Variants in TENM2 observed in about 807,000 individuals in gnomAD.
TENM2 encodes teneurin-2.
TENM2 carries 52 observed loss-of-function variants against 245.2 expected under a neutral mutation model. The observed-to-expected ratio is 0.21, with a 90% CI of 0.17 to 0.27. TENM2 has a LOEUF of 0.27. TENM2 is among the 10% of genes least tolerant of loss of function. The pLI is 1.00. For missense variants in TENM2, 3,046 were observed against 3,666.8 expected, an observed-to-expected ratio of 0.83 and a Z score of 4.37; for synonymous variants, 1,363 against 1,438.9, an observed-to-expected ratio of 0.95 and a Z score of 1.19.
At chr5:167,876,218 G>A (rs1390772354) in intron 3 of TENM2, 23 bp downstream of exon 5, 1 of 1,524,332 alleles carries the variant, frequency 6.6e-7, no homozygotes. Context: ...CGTGGTGTCT[G>A]AATGTGTGGT....
chr5:167,098,671 C>G, the TENM2 span, among the ~76,000 whole-genome samples: 1 of 152,094 alleles, frequency 6.6e-6, no homozygotes, highest in South Asian at 2.1e-4. Context: ...AAAAAGGAAG[C>G]CCCTTAAGGA....
the TENM2 span, among the ~76,000 whole-genome samples, chr5:167,020,886 G>A: frequency 2.0e-5 from 3 of 152,282 alleles, no homozygotes; most frequent in African/African-American, 7.2e-5. Flanking sequence ...GATCACTCCT[G>A]TAATACCTGG....
At chr5:167,533,294 G>A (rs1284158182) in intron 2 of TENM2, among the ~76,000 whole-genome samples, 2 of 152,158 alleles carry the variant, frequency 1.3e-5, no homozygotes, top group Admixed American at 1.3e-4. Context: ...TGGTAAGAAT[G>A]AAGTTTCTGA....
intron 4 of TENM2, 58 bp from the exon 7 acceptor site, chr5:167,992,886 C>T (rs79382897): frequency 5.5e-5 from 75 of 1,363,810 alleles, no homozygotes; most frequent in Admixed American, 1.9e-4. Context: ...AGAAAAATAG[C>T]TAAATGTTGC....
chr5:167,309,615 C>T (rs1476645469), intron 1 of TENM2, among the ~76,000 whole-genome samples: 1 of 152,126 alleles, frequency 6.6e-6, no homozygotes, highest in Admixed American at 6.6e-5. Flanking sequence ...GGCTTTAGAA[C>T]CTCAAAACCA....
intron 26 of TENM2, among the ~76,000 whole-genome samples, chr5:168,246,452 G>C (rs1373772511): frequency 6.6e-6 from 1 of 152,008 alleles, no homozygotes; most frequent in Non-Finnish European, 1.5e-5. Flanking sequence ...GCATTTGCAG[G>C]GAGTTTGTTA....
chr5:166,986,639 T>G, the TENM2 span, among the ~76,000 whole-genome samples: 1 of 152,204 alleles, frequency 6.6e-6, no homozygotes, highest in African/African-American at 2.4e-5. Flanking sequence ...AACAAACTAC[T>G]GTTGAACTTG....
chr5:167,812,387 A>G (rs1454855264), intron 2 of TENM2, among the ~76,000 whole-genome samples: 2 of 152,188 alleles, frequency 1.3e-5, no homozygotes, highest in Non-Finnish European at 2.9e-5. Context: ...TGGCTTGAAG[A>G]CAATCCACTC....
intron 2 of TENM2, among the ~76,000 whole-genome samples, chr5:167,663,405 AAG>A (rs1755370641): frequency 6.6e-6 from 1 of 152,198 alleles, no homozygotes; most frequent in African/African-American, 2.4e-5. Flanking sequence ...AGAGATTGAA[AAG>A]AGTGTCTTTA....
At chr5:167,565,118 A>G (rs4869057) in intron 2 of TENM2, among the ~76,000 whole-genome samples, 149,945 of 152,364 alleles carry the variant, frequency 0.98, 73,794 homozygotes, top group Middle Eastern at 1. Context: ...TTTAAGAAGT[A>G]CCCAAATTCT....
At chr5:167,256,830 G>A in the TENM2 span, among the ~76,000 whole-genome samples, 137 of 152,238 alleles carry the variant, frequency 9.0e-4, 1 homozygote, top group Admixed American at 8.8e-3. Context: ...TGTTTTGGAG[G>A]ACTTTGGGAA....
chr5:167,899,927 T>C (rs1775549003), intron 3 of TENM2, among the ~76,000 whole-genome samples: 3 of 152,058 alleles, frequency 2.0e-5, no homozygotes, highest in African/African-American at 7.3e-5. Flanking sequence ...AAAGGTCTTG[T>C]TTAAATCCAC....
At chr5:167,217,743 G>A in the TENM2 span, among the ~76,000 whole-genome samples, 1 of 146,640 alleles carries the variant, frequency 6.8e-6, no homozygotes, top group Non-Finnish European at 1.5e-5. Flanking sequence ...TATAATATAT[G>A]TGATATGTGA....
intron 2 of TENM2, among the ~76,000 whole-genome samples, chr5:167,859,585 C>T (rs1246029057): frequency 1.8e-5 from 2 of 112,808 alleles, no homozygotes; most frequent in East Asian, 6.2e-4. Context: ...CCTGGCCAGC[C>T]GCCCCGTCCG....
At chr5:167,265,005 C>T in the TENM2 span, among the ~76,000 whole-genome samples, 10 of 151,916 alleles carry the variant, frequency 6.6e-5, no homozygotes, top group Non-Finnish European at 1.3e-4. Flanking sequence ...GAGAGACCTT[C>T]CTGAGAAGAG....
rs139982737 is a variant in TENM2 at position 167,543,205 on chromosome 5, G to A, written c.502+167732G>A. Among the ~76,000 whole-genome samples, 624 of 152,268 alleles carry A rather than the reference G, an allele frequency of 4.1e-3. 3 individuals carry two copies. The highest frequency in any genetic ancestry group is 5.1e-3 in the Non-Finnish European group (345 of 68,008). On this transcript the variant is annotated intron_variant, in intron 2 of 28. Transcript: ENST00000518659. ...GGGTGGTACTCTTATCATCCTGCAA[G>A]CTAGGCTGAGCTTCCTCAAACGGTG...
chr5:167,791,516 TA>T (rs1764972710), intron 2 of TENM2, among the ~76,000 whole-genome samples: 1 of 49,746 alleles, frequency 2.0e-5, no homozygotes, highest in South Asian at 6.4e-4. Context: ...TTATAATATA[TA>T]AATATATATA....
chr5:167,015,839 T>C, the TENM2 span, among the ~76,000 whole-genome samples: 1 of 152,186 alleles, frequency 6.6e-6, no homozygotes, highest in Non-Finnish European at 1.5e-5. Context: ...ATCATAGTAC[T>C]AACTCCATTG....
At chr5:167,801,652 C>T (rs1018182978) in intron 2 of TENM2, among the ~76,000 whole-genome samples, 1 of 152,078 alleles carries the variant, frequency 6.6e-6, no homozygotes, top group Non-Finnish European at 1.5e-5. Context: ...TGAAGGAAGG[C>T]AGGTTAGAAC....
Sources: gnomAD v4.1 joint callset for allele counts (sites outside exome capture counted in the v4.1 genomes callset) on GRCh38, gnomAD v4.1.1 for gene constraint, MANE v1.5 for transcripts, NCBI Gene and HGNC (gene_info 2026-07-23, HGNC 2026-07-21) for gene names.